The following PPP6R2 variants were observed in gnomAD, a reference collection of about 807,000 sequenced individuals.
PPP6R2 encodes the protein serine/threonine-protein phosphatase 6 regulatory subunit 2.
A neutral mutation model predicts 100.2 loss-of-function variants in PPP6R2; 62 were observed. The observed-to-expected ratio is 0.62, with a 90% CI of 0.50 to 0.76. PPP6R2 has a LOEUF of 0.76. Among genes scored for constraint, PPP6R2 ranks in the 30% least tolerant of loss-of-function variants. PPP6R2 has a pLI of 0.00. For missense variants in PPP6R2, 1,142 were observed against 1,276.3 expected (o/e 0.89, Z 1.60); for synonymous variants, 525 against 514.7 (o/e 1.02, Z -0.27).
Position 50,443,999 on chromosome 22 carries a change from G to A in PPP6R2, c.2713G>A (p.Ala905Thr), listed in dbSNP as rs200787999. 52 of 1,613,222 alleles carry A rather than the reference G, an allele frequency of 3.2e-5. No individual in the cohort carries two copies. The highest frequency in any genetic ancestry group is 2.0e-4 in the East Asian group (9 of 44,876). The change falls in exon 23 of 24, where the codon GCC becomes ACC. Residue 905 changes from alanine to threonine, a missense_variant. Physicochemically the swap from Ala to Thr is moderately conservative, Grantham distance 58. Coordinates refer to ENST00000612753, the MANE Select transcript of PPP6R2 (RefSeq NM_001242898.2). ...CACAGCACTGAGCAAGGCTGGCCCCGCCATACCCACCCCAGCAGTCTCTTC... is the reference window on the plus strand; with the variant it reads ...CACAGCACTGAGCAAGGCTGGCCCCACCATACCCACCCCAGCAGTCTCTTC... ...ITTALSKAGP[A>T]IPTPAVSSAL... is the part of the protein sequence containing the mutation.
chr22:50,356,632 T>A (rs926380212), intron 1 of PPP6R2, among the ~76,000 whole-genome samples: 7 of 152,124 alleles, frequency 4.6e-5, no homozygotes, highest in Non-Finnish European at 1.0e-4. Flanking sequence ...TTCACTTTTT[T>A]AAGAAACTGC....
chr22:50,400,481 C>T (rs1185180377), intron 3 of PPP6R2, among the ~76,000 whole-genome samples: 1 of 152,184 alleles, frequency 6.6e-6, no homozygotes, highest in Non-Finnish European at 1.5e-5. Context: ...TCTAGTCTCA[C>T]AAGTCTGATG....
chr22:50,381,922 GAAAA>G (rs201998789), intron 2 of PPP6R2, among the ~76,000 whole-genome samples: 2 of 144,782 alleles, frequency 1.4e-5, no homozygotes, highest in African/African-American at 5.1e-5. Context: ...AAAAAAAAAA[GAAAA>G]AAAAGGAATA....
chr22:50,429,032 A>AT (rs34500818), intron 10 of PPP6R2, among the ~76,000 whole-genome samples: 2,281 of 145,790 alleles, frequency 0.016, 22 homozygotes, highest in Middle Eastern at 0.022. Context: ...AGTATGTTGA[A>AT]TTTTTTTTTT....
Position 50,426,142 on chromosome 22 carries a change from G to A in PPP6R2, c.1125+2528G>A, listed in dbSNP as rs144991265. Among the ~76,000 whole-genome samples the A allele has an allele frequency of 4.4e-3, 663 of 152,130 alleles. 8 individuals are homozygous for A. Among genetic ancestry groups the A allele is most frequent in the African/African-American group, 0.015 (618 of 41,488 alleles). On this transcript the variant is annotated intron_variant, in intron 10 of 23. Transcript: ENST00000612753. Reference sequence around the variant, plus strand: ...TAATTTTTATATTTTTTGTAGAGATGGGGTCTCGCTATGTTGATCAGGCTG... The same window carrying A: ...TAATTTTTATATTTTTTGTAGAGATAGGGTCTCGCTATGTTGATCAGGCTG...
intron 3 of PPP6R2, among the ~76,000 whole-genome samples, chr22:50,406,145 G>GAAAAGC (rs2058900756): frequency 7.6e-6 from 1 of 131,992 alleles, no homozygotes. Flanking sequence ...CTGGAGAGAG[G>GAAAAGC]CGAGAGGCCT....
chr22:50,395,248 C>T (rs986333618), intron 3 of PPP6R2, among the ~76,000 whole-genome samples: 6 of 152,164 alleles, frequency 3.9e-5, no homozygotes, highest in South Asian at 4.1e-4. Context: ...TTTCCTGAAA[C>T]GCCCATTCAG....
At chr22:50,337,109 AGT>A in the PPP6R2 span, among the ~76,000 whole-genome samples, 79,093 of 147,296 alleles carry the variant, frequency 0.54, 22,482 homozygotes, top group East Asian at 0.69. Context: ...TGATGAAGAG[AGT>A]GTGTGTGTGT....
chr22:50,429,641 T>A (rs1026964049), intron 10 of PPP6R2, among the ~76,000 whole-genome samples: 2 of 152,342 alleles, frequency 1.3e-5, no homozygotes, highest in African/African-American at 4.8e-5. Flanking sequence ...GTATTCTCTC[T>A]TAGTTTTTTG....
intron 10 of PPP6R2, among the ~76,000 whole-genome samples, chr22:50,427,037 A>T (rs1166189899): frequency 6.6e-6 from 1 of 150,680 alleles, no homozygotes; most frequent in Non-Finnish European, 1.5e-5. Context: ...AAATATGAAA[A>T]AATTAGCTGG....
chr22:50,347,783 C>T lies in PPP6R2; in HGVS notation c.-148+4233C>T, dbSNP rs1218331268. On this transcript the variant is annotated intron_variant, in intron 1 of 23. Transcript: ENST00000612753. ...CCTTCCCTCATGGCCTCTCTCTGCC[C>T]TGCTCTTGGCTTCTCCTTGCCCCTG... 7.2e-5 allele frequency among the ~76,000 whole-genome samples: 11 copies of T among 152,180 alleles called. No homozygotes were observed. In the East Asian group the frequency reaches 2.1e-3, roughly 29 times the overall value.
intron 4 of PPP6R2, among the ~76,000 whole-genome samples, chr22:50,407,156 G>A (rs918898075): frequency 6.6e-6 from 1 of 152,138 alleles, no homozygotes; most frequent in Non-Finnish European, 1.5e-5. Flanking sequence ...AGACCAGCCT[G>A]GCCAACATGA....
intron 1 of PPP6R2, among the ~76,000 whole-genome samples, chr22:50,347,883 C>T (rs537866044): frequency 2.0e-5 from 3 of 152,260 alleles, no homozygotes; most frequent in South Asian, 4.1e-4. Flanking sequence ...TCTGGTTTAT[C>T]TTCCCTTTGT....
chr22:50,419,265 C>T, intron 7 of PPP6R2, 84 bp from the exon 8 acceptor site: 1 of 1,259,080 alleles, frequency 7.9e-7, no homozygotes, highest in Non-Finnish European at 1.1e-6. Context: ...TGCTGGGGTC[C>T]TCCACGGGGA....
chr22:50,412,630 CTTTTTTTTTTT>C (rs398037412), intron 4 of PPP6R2, among the ~76,000 whole-genome samples: 2 of 79,898 alleles, frequency 2.5e-5, no homozygotes, highest in Admixed American at 3.2e-4. Flanking sequence ...TAAATAAGTC[CTTTTTTTTTTT>C]TTTTTTTTTT....
At position 50,438,642 on chromosome 22, in the gene PPP6R2, C is replaced by G; in HGVS notation, c.2008C>G (p.Pro670Ala). Reference sequence around the variant, plus strand: ...TTCAGAGAGTTGCTCAAAGAATGGCCCAGAGCGTGGAGGCCAGGATGGGAA... The same window carrying G: ...TTCAGAGAGTTGCTCAAAGAATGGCGCAGAGCGTGGAGGCCAGGATGGGAA... ...HASESCSKNG[P>A]ERGGQDGKAS... The change falls in exon 19 of 24, where the codon CCA (proline) becomes GCA (alanine). Residue 670 changes from proline to alanine, a missense_variant. By Grantham distance (27) the Pro-to-Ala change is conservative. Coordinates refer to ENST00000612753, the MANE Select transcript of PPP6R2 (RefSeq NM_001242898.2). The G allele has an allele frequency of 6.2e-7, 1 of 1,614,014 alleles. No individual in the cohort carries two copies. The highest frequency in any genetic ancestry group is 2.2e-5 in the East Asian group (1 of 44,864).
At chr22:50,443,506 C>A (rs751844671) in intron 22 of PPP6R2, 3 of 226,316 alleles carry the variant, frequency 1.3e-5, no homozygotes, top group Middle Eastern at 1.5e-3. Flanking sequence ...ACCCTCCCAT[C>A]CCCTGGGAGG....
intron 1 of PPP6R2, among the ~76,000 whole-genome samples, chr22:50,371,304 TGTCTGCACTAAG>T (rs1202185737): frequency 6.6e-6 from 1 of 152,022 alleles, no homozygotes; most frequent in East Asian, 1.9e-4. Flanking sequence ...GTGAACTGGG[TGTCTGCACTAAG>T]TTCGGCATCA....
intron 22 of PPP6R2, among the ~76,000 whole-genome samples, chr22:50,442,726 G>T (rs1211389399): frequency 6.6e-6 from 1 of 151,596 alleles, no homozygotes; most frequent in Non-Finnish European, 1.5e-5. Context: ...CTAATTTTTT[G>T]TATTTTTAGT....
Sources: allele counts gnomAD v4.1 joint callset (sites outside exome capture counted in the v4.1 genomes callset), GRCh38; gene constraint gnomAD v4.1.1; transcripts MANE v1.5; gene names NCBI Gene and HGNC (gene_info 2026-07-23, HGNC 2026-07-21).